GAK: variants seen among roughly 807,000 people sequenced by gnomAD.
The protein encoded by GAK is cyclin G associated kinase.
Under a neutral mutation model 143.9 loss-of-function variants are expected in GAK, and 79 were observed. That is an observed-to-expected ratio of 0.55 (90% confidence interval 0.46 to 0.66). GAK has a LOEUF of 0.66. GAK is among the 30% of genes least tolerant of loss of function. GAK has a pLI of 0.00. For synonymous variants in GAK, 881 were observed against 765.5 expected, an observed-to-expected ratio of 1.15 and a Z score of -2.49; for missense variants, 1,693 against 1,779.7, an observed-to-expected ratio of 0.95 and a Z score of 0.88.
At chr4:865,621 G>A (rs1239194246) in intron 22 of GAK, among the ~76,000 whole-genome samples, 2 of 152,190 alleles carry the variant, frequency 1.3e-5, no homozygotes, top group Non-Finnish European at 2.9e-5. Context: ...AGCTGCCTTC[G>A]GCAGACAGAG....
chr4:882,853 G>A (rs373197340), intron 13 of GAK, 34 bp from the exon 14 acceptor site: 30 of 1,598,126 alleles, frequency 1.9e-5, no homozygotes, highest in Non-Finnish European at 2.6e-5. Context: ...ACGGACGGCA[G>A]AGGAGCCCCG....
Position 867,583 on chromosome 4 carries a change from C to A in GAK, c.2396-151G>T. The A allele has an allele frequency of 5.8e-6, 3 of 514,490 alleles. No homozygotes were observed. In the South Asian group the frequency reaches 9.6e-5, roughly 16 times the overall value. The allele number at this position is 514,490 out of a possible 1,614,324, so 31.9% of individuals were successfully genotyped here. On this transcript the variant is annotated intron_variant, in intron 20 of 27. Transcript: ENST00000314167. ...GTCCCCACGGCGCGTCCCTTCAGGGCCTCCTCGGCCCAGGGCCTTGGTGAA... is the reference window on the plus strand; with the variant it reads ...GTCCCCACGGCGCGTCCCTTCAGGGACTCCTCGGCCCAGGGCCTTGGTGAA...
At chr4:851,597 A>G in intron 25 of GAK, 153 bp downstream of exon 25, 1 of 726,930 alleles carries the variant, frequency 1.4e-6, no homozygotes, top group Non-Finnish European at 2.3e-6. Context: ...AGACCAGTGA[A>G]CACACATCGG....
chr4:886,883 C>T (rs1015871501), intron 11 of GAK: 4 of 152,276 alleles, frequency 2.6e-5, no homozygotes, highest in African/African-American at 9.7e-5. Context: ...GGGCTCACGT[C>T]CTGCTCTGGG....
chr4:887,193 GCTCGCGCA>G (rs1716545916), intron 11 of GAK: 1 of 146,692 alleles, frequency 6.8e-6, no homozygotes, highest in African/African-American at 2.6e-5. Flanking sequence ...CATGCACGCG[GCTCGCGCA>G]CTCACGCGTA....
At chr4:851,368 T>C in intron 25 of GAK, 1 of 452,404 alleles carries the variant, frequency 2.2e-6, no homozygotes, top group South Asian at 2.4e-5. Context: ...AGTGCTGGGA[T>C]TATAGGCGTG....
intron 1 of GAK, among the ~76,000 whole-genome samples, chr4:923,399 T>C (rs960566513): frequency 6.6e-6 from 1 of 152,302 alleles, no homozygotes; most frequent in East Asian, 1.9e-4. Flanking sequence ...CCAGGCACAG[T>C]GGCTGACACC....
At chr4:867,468 C>A (rs1940905130) in intron 20 of GAK, 36 bp from the exon 21 acceptor site, 9 of 1,468,288 alleles carry the variant, frequency 6.1e-6, no homozygotes, top group Non-Finnish European at 7.3e-6. Context: ...GCTAGTGAGA[C>A]CACACGGCCA....
At chr4:857,603 C>T (rs141467591) in intron 24 of GAK, among the ~76,000 whole-genome samples, 179 of 152,290 alleles carry the variant, frequency 1.2e-3, no homozygotes, top group Middle Eastern at 0.01. Flanking sequence ...GAGGCGCCTG[C>T]ACCCGTGACC....
At chr4:876,456 G>T in intron 18 of GAK, 74 bp downstream of exon 18, 2 of 1,341,112 alleles carry the variant, frequency 1.5e-6, no homozygotes, top group South Asian at 1.2e-5. Context: ...GGGCTCCCAC[G>T]ACCGGCCCAC....
At chr4:926,079 C>T (rs1430181633) in intron 1 of GAK, among the ~76,000 whole-genome samples, 1 of 151,912 alleles carries the variant, frequency 6.6e-6, no homozygotes, top group East Asian at 1.9e-4. Flanking sequence ...CCGACAGTGA[C>T]CTCCCCAAAC....
At chr4:915,556 C>T (rs1722984380) in intron 1 of GAK, 1 of 152,236 alleles carries the variant, frequency 6.6e-6, no homozygotes. Flanking sequence ...ACCAAGCCCA[C>T]CAAGACATCA....
chr4:893,773 G>T (rs975327350), intron 8 of GAK, 101 bp downstream of exon 8: 2 of 1,366,860 alleles, frequency 1.5e-6, no homozygotes, highest in Non-Finnish European at 2.0e-6. Flanking sequence ...GGCGGGAGTG[G>T]GGCCAGGTGA....
At chr4:907,053 C>A (rs528058603) in intron 4 of GAK, among the ~76,000 whole-genome samples, 1 of 152,232 alleles carries the variant, frequency 6.6e-6, no homozygotes, top group Non-Finnish European at 1.5e-5. Flanking sequence ...CTGTGTCTGG[C>A]GAGTCACTGA....
chr4:920,332 C>T (rs371559411), intron 1 of GAK, among the ~76,000 whole-genome samples: 1 of 150,254 alleles, frequency 6.7e-6, no homozygotes, highest in South Asian at 2.1e-4. Flanking sequence ...AAAAAACCAA[C>T]AACAAAAAAA....
In GAK at chr4:882,949, C is replaced by A. The variant is rs928919604; in HGVS notation, c.1405-130G>T. Reference sequence around the variant, plus strand: ...GGTGTCATGAACAGGCGTCCACCTGCGCGAGACCTGAGCACCAGGGCTGCC... The same window carrying A: ...GGTGTCATGAACAGGCGTCCACCTGAGCGAGACCTGAGCACCAGGGCTGCC... On this transcript the variant is annotated intron_variant, in intron 13 of 27. Transcript: ENST00000314167. 15 of 1,184,714 alleles carry A rather than the reference C, an allele frequency of 1.3e-5. No homozygotes were observed. The South Asian group carries it at 2.1e-4, about 16-fold the overall frequency. 73.4% of individuals were successfully genotyped at this position (1,184,714 alleles called of 1,614,324 possible).
At chr4:917,297 A>C (rs1423529899) in intron 1 of GAK, among the ~76,000 whole-genome samples, 1 of 152,080 alleles carries the variant, frequency 6.6e-6, no homozygotes, top group African/African-American at 2.4e-5. Flanking sequence ...AGAAAATGCA[A>C]ATGAATCTAT....
At chr4:862,104 C>T (rs538965865) in intron 23 of GAK, among the ~76,000 whole-genome samples, 166 of 146,886 alleles carry the variant, frequency 1.1e-3, no homozygotes, top group African/African-American at 4.0e-3. Context: ...GCAGACGAGA[C>T]GGCCTAAGTC....
At chr4:857,617 G>A (rs1295055468) in intron 24 of GAK, among the ~76,000 whole-genome samples, 7 of 152,246 alleles carry the variant, frequency 4.6e-5, no homozygotes, top group Middle Eastern at 3.4e-3. Flanking sequence ...CGTGACCCTC[G>A]TAGAGCCTGC....
Sources: gnomAD v4.1 joint callset for allele counts (sites outside exome capture counted in the v4.1 genomes callset) on GRCh38, gnomAD v4.1.1 for gene constraint, MANE v1.5 for transcripts, NCBI Gene and HGNC (gene_info 2026-07-23, HGNC 2026-07-21) for gene names.